TVP23C: variants seen among roughly 807,000 people sequenced by gnomAD.
TVP23C encodes the protein trans-golgi network vesicle protein 23 homolog C, also known as Golgi apparatus membrane protein TVP23 homolog C.
TVP23C carries 19 observed loss-of-function variants against 28.7 expected under a neutral mutation model. The observed-to-expected ratio is 0.66, with a 90% CI of 0.46 to 0.97. TVP23C has a LOEUF of 0.97. Among genes scored for constraint, TVP23C ranks in the 50% least tolerant of loss-of-function variants. The probability of loss-of-function intolerance (pLI) is 0.00; values close to 1 mark genes in which losing one functional copy is unlikely to be tolerated. For missense variants in TVP23C, 186 were observed against 241.3 expected, an observed-to-expected ratio of 0.77 and a Z score of 1.52; for synonymous variants, 68 against 81.7, an observed-to-expected ratio of 0.83 and a Z score of 0.90.
At chr17:15,510,494 A>G (rs1444867679) in intron 5 of TVP23C, among the ~76,000 whole-genome samples, 1 of 152,198 alleles carries the variant, frequency 6.6e-6, no homozygotes, top group African/African-American at 2.4e-5. Context: ...GACGTTGGCC[A>G]GTCTGGGGAG....
At chr17:15,519,675 C>T (rs1982388061) in intron 5 of TVP23C, among the ~76,000 whole-genome samples, 1 of 152,034 alleles carries the variant, frequency 6.6e-6, no homozygotes. Flanking sequence ...CTTTGGGAGG[C>T]CGAGGTGGGT....
intron 3 of TVP23C, among the ~76,000 whole-genome samples, chr17:15,552,402 C>T (rs1983932795): frequency 6.6e-6 from 1 of 152,186 alleles, no homozygotes; most frequent in Non-Finnish European, 1.5e-5. Flanking sequence ...TAAAAGATGG[C>T]CAGGCGCAGT....
chr17:15,539,158 C>T lies in TVP23C; in HGVS notation c.*1254G>A. The T allele has an allele frequency of 1.1e-6, 1 of 945,486 alleles. No homozygotes were observed. Among genetic ancestry groups the T allele is most frequent in the Non-Finnish European group, 1.3e-6 (1 of 793,694 alleles). The allele number at this position is 945,486 out of a possible 1,614,324, so 58.6% of individuals were successfully genotyped here. ...AAATGCAAATTATGAGACTCCACCC[C>T]CAGATCTACTGAATAAGGAGTCTGG... is the stretch of plus-strand genomic sequence containing the variant. On this transcript the variant is annotated 3_prime_UTR_variant, in exon 6 of 6. Transcript: ENST00000518321.
exon 6 of TVP23C, chr17:15,503,148 T>G: frequency 6.2e-7 from 1 of 1,603,542 alleles, no homozygotes; most frequent in Non-Finnish European, 8.5e-7. Flanking sequence ...ACGCCTGTTA[T>G]CCCAGCGCTT....
chr17:15,542,676 C>T (rs1415251941), intron 5 of TVP23C, among the ~76,000 whole-genome samples: 5 of 151,940 alleles, frequency 3.3e-5, no homozygotes, highest in Admixed American at 6.6e-5. Flanking sequence ...AGGGTTTCAC[C>T]GTGTTAGCCA....
chr17:15,507,621 G>A (rs905710019), intron 5 of TVP23C, among the ~76,000 whole-genome samples: 43 of 152,260 alleles, frequency 2.8e-4, no homozygotes, highest in African/African-American at 1.0e-3. Flanking sequence ...GGCGGATCAC[G>A]AGGTCAGGAG....
chr17:15,524,082 G>C (rs1343471598), intron 5 of TVP23C, among the ~76,000 whole-genome samples: 2 of 151,138 alleles, frequency 1.3e-5, no homozygotes, highest in Non-Finnish European at 3.0e-5. Flanking sequence ...GTGTGTGTGT[G>C]TGTGTGTGTG....
chr17:15,502,294 T>TGGGGGG (rs3217034), exon 6 of TVP23C: 1 of 71,810 alleles, frequency 1.4e-5, no homozygotes, highest in African/African-American at 4.5e-5. Flanking sequence ...TAATGGGGGG[T>TGGGGGG]GGGGGGGCAC....
At chr17:15,559,315 A>G (rs1193824534) in intron 1 of TVP23C, among the ~76,000 whole-genome samples, 3 of 103,558 alleles carry the variant, frequency 2.9e-5, no homozygotes, top group African/African-American at 1.2e-4. Context: ...TACAGATTTA[A>G]AAAAAAAAAA....
chr17:15,537,498 T>C lies in TVP23C; in HGVS notation c.*2914A>G, dbSNP rs1464184576. On this transcript the variant is annotated 3_prime_UTR_variant, in exon 6 of 6. Coordinates refer to ENST00000518321, the MANE Select transcript of TVP23C (RefSeq NM_001135036.2). ...CCTTAAACTATGATGATTCCACTTATATTAACTGGGCCTTAAGTAGATAAC... is the reference window on the plus strand; with the variant it reads ...CCTTAAACTATGATGATTCCACTTACATTAACTGGGCCTTAAGTAGATAAC... The C allele has an allele frequency of 3.0e-6, 3 of 985,024 alleles. No individual in the cohort carries two copies. Among genetic ancestry groups the C allele is most frequent in the Non-Finnish European group, 1.2e-6 (1 of 829,568 alleles). 61.0% of individuals were successfully genotyped at this position (985,024 alleles called of 1,614,324 possible).
intron 5 of TVP23C, among the ~76,000 whole-genome samples, chr17:15,517,136 G>A (rs1364625968): frequency 6.6e-6 from 1 of 152,134 alleles, no homozygotes; most frequent in East Asian, 1.9e-4. Flanking sequence ...CATTTCCATG[G>A]GACATGCCTT....
At chr17:15,505,609 C>T (rs1981689867) in intron 5 of TVP23C, among the ~76,000 whole-genome samples, 1 of 152,324 alleles carries the variant, frequency 6.6e-6, no homozygotes, top group South Asian at 2.1e-4. Context: ...CTTGAGGAGC[C>T]CTTCAGCCCA....
At chr17:15,521,242 C>A (rs1434264054) in intron 5 of TVP23C, among the ~76,000 whole-genome samples, 1 of 152,144 alleles carries the variant, frequency 6.6e-6, no homozygotes, top group Admixed American at 6.5e-5. Flanking sequence ...CGGTGGCTCA[C>A]ACCTGTAATC....
At chr17:15,545,976 A>G (rs1983630077) in intron 4 of TVP23C, 60 bp from the exon 5 acceptor site, 1 of 1,575,080 alleles carries the variant, frequency 6.3e-7, no homozygotes, top group Non-Finnish European at 8.6e-7. Context: ...AAAGTTCAAC[A>G]TATTTAATAA....
intron 5 of TVP23C, among the ~76,000 whole-genome samples, chr17:15,510,241 T>C (rs937718557): frequency 7.2e-5 from 11 of 152,090 alleles, no homozygotes; most frequent in South Asian, 2.1e-4. Context: ...TGGAGGAAGA[T>C]GATGGTGAGA....
chr17:15,506,500 G>A (rs1425481392), intron 5 of TVP23C, among the ~76,000 whole-genome samples: 1 of 152,212 alleles, frequency 6.6e-6, no homozygotes, highest in African/African-American at 2.4e-5. Flanking sequence ...AGCAGGATGT[G>A]GGTGGGGCCA....
Position 15,538,685 on chromosome 17 carries a change from G to A in TVP23C, c.*1727C>T. 1.0e-6 allele frequency: 1 copy of A among 985,426 alleles called. No homozygotes were observed. The highest frequency in any genetic ancestry group is 4.7e-5 in the South Asian group (1 of 21,286). 61.0% of individuals were successfully genotyped at this position (985,426 alleles called of 1,614,324 possible). A position where few individuals can be genotyped will look rare whatever the true frequency, so the allele number is the denominator to read the frequency against. On this transcript the variant is annotated 3_prime_UTR_variant, in exon 6 of 6. Coordinates refer to ENST00000518321, the MANE Select transcript of TVP23C (RefSeq NM_001135036.2). The stretch of plus-strand genomic sequence containing the variant: ...CAGCTGTCCAGTTTGTCTCATTTGA[G>A]CAGACGCCGGATACCATGTAAGACA...
rs367607369 is a variant in TVP23C at position 15,539,336 on chromosome 17, C to G, written c.*1076G>C. 6 of 984,676 alleles carry G rather than the reference C, an allele frequency of 6.1e-6. No homozygotes were observed. The highest frequency in any genetic ancestry group is 2.3e-4 in the East Asian group (2 of 8,800). 61.0% of individuals were successfully genotyped at this position (984,676 alleles called of 1,614,324 possible). On this transcript the variant is annotated 3_prime_UTR_variant, in exon 6 of 6. Coordinates refer to ENST00000518321, the MANE Select transcript of TVP23C (RefSeq NM_001135036.2). ...TAAAGACCTAGTCACGGCCAGGCGC[C>G]GTGGCTCACGCCTGTAATCCCAGCA...
intron 5 of TVP23C, among the ~76,000 whole-genome samples, chr17:15,544,430 T>C (rs1597536003): frequency 1.3e-5 from 2 of 151,940 alleles, no homozygotes; most frequent in African/African-American, 2.4e-5. Context: ...AAAAATAACA[T>C]TGGAACAAAC....
Sources: gnomAD v4.1 joint callset for allele counts (sites outside exome capture counted in the v4.1 genomes callset) on GRCh38, gnomAD v4.1.1 for gene constraint, MANE v1.5 for transcripts, NCBI Gene and HGNC (gene_info 2026-07-23, HGNC 2026-07-21) for gene names.